Variants in RAMP3 observed in about 807,000 individuals in gnomAD.
RAMP3 encodes the protein receptor activity-modifying protein 3.
Under a neutral mutation model 13.5 loss-of-function variants are expected in RAMP3, and 14 were observed. That is an observed-to-expected ratio of 1.04 (90% CI 0.69 to 1.63). The LOEUF is 1.63. Among genes scored for constraint, RAMP3 ranks in the 40% most tolerant of loss-of-function variants. The pLI is 0.00. For missense variants in RAMP3, 200 were observed against 204.8 expected, an observed-to-expected ratio of 0.98 and a Z score of 0.14; for synonymous variants, 106 against 88.3, an observed-to-expected ratio of 1.20 and a Z score of -1.12.
chr7:45,166,339 T>G (rs1290439572), intron 1 of RAMP3, among the ~76,000 whole-genome samples: 1 of 152,120 alleles, frequency 6.6e-6, no homozygotes, highest in African/African-American at 2.4e-5. Flanking sequence ...CTGACTGCCT[T>G]TTTGATGATA....
intron 1 of RAMP3, among the ~76,000 whole-genome samples, chr7:45,165,579 A>G (rs917603465): frequency 2.0e-5 from 3 of 152,246 alleles, no homozygotes; most frequent in Non-Finnish European, 4.4e-5. Context: ...CATTTAAAGT[A>G]TACATCAATA....
chr7:45,163,819 G>T (rs1785909049), intron 1 of RAMP3: 8 of 985,280 alleles, frequency 8.1e-6, no homozygotes, highest in Non-Finnish European at 9.6e-6. Flanking sequence ...CTGGAGGGTG[G>T]CACGGTCAAG....
chr7:45,169,182 C>T (rs748443494), intron 1 of RAMP3, among the ~76,000 whole-genome samples: 2 of 152,184 alleles, frequency 1.3e-5, no homozygotes, highest in African/African-American at 4.8e-5. Context: ...TTGCTAGTAT[C>T]GAAGGTTTTT....
chr7:45,177,316 T>A lies in RAMP3; in HGVS notation c.66T>A (p.Cys22Ter). Residue 22 changes from cysteine to a stop codon, truncating the protein, a stop_gained, in exon 2 of 3, where the codon TGT (cysteine) becomes TGA (stop). Transcript: ENST00000242249. LOFTEE classifies it high-confidence loss of function. ...LPLLLLLCGGCPRAGGCNETG... is the reference protein window; with the variant it reads ...LPLLLLLCGG ...TGGCTGTCCCCTCTCCAGGTGGGTG[T>A]CCCAGAGCAGGCGGCTGCAACGAGA... is the stretch of plus-strand genomic sequence containing the variant. The A allele has an allele frequency of 6.2e-7, 1 of 1,614,046 alleles. No individual in the cohort carries two copies. Among genetic ancestry groups the A allele is most frequent in the Non-Finnish European group, 8.5e-7 (1 of 1,179,968 alleles).
chr7:45,170,336 A>ATTAT lies in RAMP3; in HGVS notation c.59-6958_59-6955dup, dbSNP rs1009088574. Among the ~76,000 whole-genome samples the ATTAT allele has an allele frequency of 1.1e-4, 17 of 151,480 alleles. 1 individual carries two copies. The highest frequency in any genetic ancestry group is 4.1e-4 in the African/African-American group (17 of 41,364). On this transcript the variant is annotated intron_variant, in intron 1 of 2. Transcript: ENST00000242249. ...TGAGATCTTTCTTCTTTATTATTTT[A>ATTAT]TTATTTATTTATTTATTTTTGAGAC...
chr7:45,172,525 G>C (rs1365877489), intron 1 of RAMP3, among the ~76,000 whole-genome samples: 1 of 152,124 alleles, frequency 6.6e-6, no homozygotes, highest in Non-Finnish European at 1.5e-5. Flanking sequence ...ACCCAGGCTA[G>C]AGTGCAGTGG....
chr7:45,178,053 G>T (rs992372742), intron 2 of RAMP3, among the ~76,000 whole-genome samples: 14 of 151,996 alleles, frequency 9.2e-5, no homozygotes, highest in Non-Finnish European at 1.3e-4. Flanking sequence ...ACCCCAGGGG[G>T]TGCCCTGGCC....
intron 1 of RAMP3, among the ~76,000 whole-genome samples, chr7:45,175,782 C>A (rs188478118): frequency 1.4e-4 from 22 of 152,258 alleles, no homozygotes; most frequent in African/African-American, 5.1e-4. Flanking sequence ...CTTAGACAAG[C>A]CACTCCCTTT....
rs1258735375 is a variant in RAMP3 at position 45,183,258 on chromosome 7, G to A, written c.293G>A (p.Arg98Lys). Residue 98 changes from arginine to lysine, a missense_variant, in exon 3 of 3, where the codon AGG (arginine) becomes AAG (lysine). Coordinates refer to ENST00000242249, the MANE Select transcript of RAMP3 (RefSeq NM_005856.3). ...CAGGGCTTCATCACCGGCATCCACA[G>A]GCAGTTCTTCTCCAACTGCACCGTG... Reference protein sequence around the residue: ...LAQGFITGIHRQFFSNCTVDR... With the variant: ...LAQGFITGIHKQFFSNCTVDR... The A allele has an allele frequency of 6.2e-7, 1 of 1,614,034 alleles. No homozygotes were observed. The highest frequency in any genetic ancestry group is 8.5e-7 in the Non-Finnish European group (1 of 1,180,034).
intron 1 of RAMP3, among the ~76,000 whole-genome samples, chr7:45,162,041 G>A (rs1384562213): frequency 6.6e-6 from 1 of 152,250 alleles, no homozygotes; most frequent in Non-Finnish European, 1.5e-5. Context: ...GCTTTAGGGT[G>A]AAGGTGCACA....
chr7:45,175,243 T>C (rs1348276046), intron 1 of RAMP3, among the ~76,000 whole-genome samples: 1 of 152,190 alleles, frequency 6.6e-6, no homozygotes, highest in Non-Finnish European at 1.5e-5. Context: ...ACACCTGTTC[T>C]GGGAGAGCCA....
intron 1 of RAMP3, among the ~76,000 whole-genome samples, chr7:45,160,932 T>C (rs1231411865): frequency 1.3e-5 from 2 of 152,262 alleles, no homozygotes; most frequent in Admixed American, 6.5e-5. Flanking sequence ...CAGGTTTTGC[T>C]GGGAGCCCCT....
Position 45,183,385 on chromosome 7 carries a change from C to A in RAMP3, c.420C>A (p.Arg140=), listed in dbSNP as rs751476978. ...CCATGGCTGGCCTGGTGGTGTGGCG[C>A]AGCAAACGCACCGACACGCTGCTGT... The part of the protein sequence containing the change: ...TVAMAGLVVW[R]SKRTDTLL Residue 140 remains arginine, a synonymous_variant, in exon 3 of 3, where the codon CGC becomes CGA. Transcript: ENST00000242249. 3 of 1,613,154 alleles carry A rather than the reference C, an allele frequency of 1.9e-6. No individual in the cohort carries two copies. The highest frequency in any genetic ancestry group is 2.5e-6 in the Non-Finnish European group (3 of 1,180,032).
chr7:45,182,369 A>G (rs1324412442), intron 2 of RAMP3, among the ~76,000 whole-genome samples: 3 of 152,128 alleles, frequency 2.0e-5, no homozygotes, highest in East Asian at 1.9e-4. Context: ...CAGGGAGGTC[A>G]TCACCTCCAC....
intron 1 of RAMP3, among the ~76,000 whole-genome samples, chr7:45,177,099 C>T (rs899872843): frequency 2.0e-5 from 3 of 152,244 alleles, no homozygotes; most frequent in Non-Finnish European, 2.9e-5. Flanking sequence ...GTGGACTTGT[C>T]CTGTCTTGGG....
chr7:45,163,493 T>C (rs562800697), intron 1 of RAMP3: 1 of 985,206 alleles, frequency 1.0e-6, no homozygotes, highest in Non-Finnish European at 1.2e-6. Flanking sequence ...GACAGTCTGA[T>C]TGTGGAGGAA....
Position 45,183,508 on chromosome 7 carries a change from T to A in RAMP3, c.*96T>A. On this transcript the variant is annotated 3_prime_UTR_variant, in exon 3 of 3. Coordinates refer to ENST00000242249, the MANE Select transcript of RAMP3 (RefSeq NM_005856.3). ...GTGGGTGCTGCCAATCTCCAGCTAC[T>A]GTGGCCACACCCCACCTGGTCATGG... 1 of 1,530,024 alleles carries A rather than the reference T, an allele frequency of 6.5e-7. No individual in the cohort carries two copies. The highest frequency in any genetic ancestry group is 1.7e-5 in the Admixed American group (1 of 58,672). The allele number at this position is 1,530,024 out of a possible 1,614,324, so 94.8% of individuals were successfully genotyped here.
intron 1 of RAMP3, among the ~76,000 whole-genome samples, chr7:45,159,586 C>T (rs1785825613): frequency 6.6e-6 from 1 of 152,210 alleles, no homozygotes; most frequent in South Asian, 2.1e-4. Flanking sequence ...CAGCTCTTGA[C>T]TGGACTCTTC....
chr7:45,163,366 T>C (rs1345594540), intron 1 of RAMP3: 1 of 985,460 alleles, frequency 1.0e-6, no homozygotes, highest in African/African-American at 1.7e-5. Flanking sequence ...TACTTTTTGG[T>C]TCCTTCAAAG....
Sources: allele counts gnomAD v4.1 joint callset (sites outside exome capture counted in the v4.1 genomes callset), GRCh38; gene constraint gnomAD v4.1.1; transcripts MANE v1.5; gene names NCBI Gene and HGNC (gene_info 2026-07-23, HGNC 2026-07-21).